Variants in SH3D19 observed in about 807,000 individuals in gnomAD.
SH3D19 encodes the protein SH3 domain containing 19.
Under a neutral mutation model 112.1 loss-of-function variants are expected in SH3D19, and 58 were observed. That is an observed-to-expected ratio of 0.52 (90% CI 0.42 to 0.64). The LOEUF (loss-of-function observed/expected upper bound fraction) is 0.64, where lower values mean the gene tolerates loss of function less well. SH3D19 is among the 30% of genes least tolerant of loss of function. SH3D19 has a pLI of 0.00. For missense variants in SH3D19, 1,090 were observed against 1,263.4 expected, an observed-to-expected ratio of 0.86 and a Z score of 2.08; for synonymous variants, 391 against 448.5, an observed-to-expected ratio of 0.87 and a Z score of 1.62.
intron 15 of SH3D19, among the ~76,000 whole-genome samples, chr4:151,134,094 A>T (rs1314064102): frequency 6.6e-6 from 1 of 152,234 alleles, no homozygotes; most frequent in East Asian, 1.9e-4. Flanking sequence ...CCCACTTCGA[A>T]TTCAACCTGC....
At chr4:151,152,776 C>T (rs1375636041) in intron 9 of SH3D19, among the ~76,000 whole-genome samples, 1 of 151,832 alleles carries the variant, frequency 6.6e-6, no homozygotes, top group Non-Finnish European at 1.5e-5. Context: ...GCCTCGGACT[C>T]CCAAAGTGCT....
intron 18 of SH3D19, 108 bp downstream of exon 18, chr4:151,128,062 A>T: frequency 1.1e-6 from 1 of 886,810 alleles, no homozygotes; most frequent in African/African-American, 1.7e-5. Flanking sequence ...GCTCTTTCAA[A>T]TATAGACAGA....
chr4:151,299,460 A>G (rs1312510668), intron 1 of SH3D19, among the ~76,000 whole-genome samples: 1 of 151,996 alleles, frequency 6.6e-6, no homozygotes, highest in Non-Finnish European at 1.5e-5. Context: ...CATGCCTGTA[A>G]TCCCAGCTAC....
rs535919889 is a variant in SH3D19, at chr4:151,150,292, C to CAT, written c.1756-733_1756-732dup. ...ATATATATACACACACATATATATACATATATATATACACACACATATATA... is the reference window on the plus strand; with the variant it reads ...ATATATATACACACACATATATATACATATATATATATACACACACATATATA... On this transcript the variant is annotated intron_variant, in intron 9 of 19. Coordinates refer to ENST00000604030, the MANE Select transcript of SH3D19 (RefSeq NM_001378122.1). 4.9e-4 allele frequency among the ~76,000 whole-genome samples: 60 copies of CAT among 121,544 alleles called. 1 individual carries two copies. The South Asian group carries it at 0.013, about 27-fold the overall frequency. 79.7% of individuals were successfully genotyped at this position (121,544 alleles called of 152,430 possible). A position where few individuals can be genotyped will look rare whatever the true frequency, so the allele number is the denominator to read the frequency against.
chr4:151,243,710 C>T (rs1455436618), intron 1 of SH3D19, among the ~76,000 whole-genome samples: 1 of 152,180 alleles, frequency 6.6e-6, no homozygotes. Context: ...GTCTCCAGGG[C>T]TATACCGTAA....
chr4:151,294,599 C>A (rs895766224), intron 1 of SH3D19, among the ~76,000 whole-genome samples: 1 of 152,204 alleles, frequency 6.6e-6, no homozygotes, highest in Non-Finnish European at 1.5e-5. Context: ...ACACAACAGA[C>A]CCTCCTCTGG....
intron 7 of SH3D19, among the ~76,000 whole-genome samples, chr4:151,167,840 A>G (rs1284894545): frequency 7.5e-6 from 1 of 134,126 alleles, no homozygotes; most frequent in African/African-American, 2.9e-5. Flanking sequence ...CGCCTCTGCC[A>G]GGCCGCCCCA....
At chr4:151,128,099 G>A (rs1749821725) in intron 18 of SH3D19, 71 bp downstream of exon 18, 1 of 1,288,178 alleles carries the variant, frequency 7.8e-7, no homozygotes, top group East Asian at 2.6e-5. Context: ...AGAGGGGAAA[G>A]GAATGTATAT....
At chr4:151,256,116 A>G (rs1180515564) in intron 1 of SH3D19, among the ~76,000 whole-genome samples, 2 of 151,720 alleles carry the variant, frequency 1.3e-5, no homozygotes, top group Non-Finnish European at 1.5e-5. Context: ...GTCTATATAT[A>G]AATTGTATAC....
At chr4:151,227,855 T>A in intron 1 of SH3D19, 1 of 985,418 alleles carries the variant, frequency 1.0e-6, no homozygotes. Context: ...AATAGCAAAT[T>A]TCCCCACTAA....
At chr4:151,171,030 C>T (rs1467858156) in intron 7 of SH3D19, among the ~76,000 whole-genome samples, 1 of 152,144 alleles carries the variant, frequency 6.6e-6, no homozygotes, top group African/African-American at 2.4e-5. Flanking sequence ...GGTCTCCCTC[C>T]CTTTTAATTA....
chr4:151,230,236 G>A (rs570377954), intron 1 of SH3D19, among the ~76,000 whole-genome samples: 5 of 152,300 alleles, frequency 3.3e-5, no homozygotes, highest in African/African-American at 1.2e-4. Context: ...CAGTTTTTGG[G>A]TACGGCTACG....
intron 1 of SH3D19, among the ~76,000 whole-genome samples, chr4:151,240,118 T>TA (rs1770442077): frequency 6.6e-6 from 1 of 151,752 alleles, no homozygotes; most frequent in Admixed American, 6.6e-5. Context: ...AAATTTTTTT[T>TA]AATTAGCTGG....
intron 18 of SH3D19, 46 bp downstream of exon 18, chr4:151,128,124 C>A: frequency 6.7e-7 from 1 of 1,494,326 alleles, no homozygotes; most frequent in Non-Finnish European, 9.0e-7. Context: ...TTGAAGGTTT[C>A]AGGCTCCCCG....
chr4:151,126,258 C>G (rs1749297000), intron 19 of SH3D19, among the ~76,000 whole-genome samples: 3 of 152,130 alleles, frequency 2.0e-5, no homozygotes, highest in South Asian at 4.1e-4. Flanking sequence ...AAGTGAAAAC[C>G]CTGTTTGGTT....
chr4:151,133,145 A>C lies in SH3D19; in HGVS notation c.2578T>G (p.Tyr860Asp), dbSNP rs746437657. Residue 860 changes from tyrosine (Y) to aspartate (D), a missense_variant, in exon 16 of 20, where the codon TAT becomes GAT. Coordinates refer to ENST00000604030, the MANE Select transcript of SH3D19 (RefSeq NM_001378122.1). Reference sequence around the variant, plus strand: ...CCTCTGGCCCATTCCTCATTCACATACTCTTTAAGAATAATAATTTCTCCC... The same window carrying C: ...CCTCTGGCCCATTCCTCATTCACATCCTCTTTAAGAATAATAATTTCTCCC... ...SEGEIIILKE[Y>D]VNEEWARGEV... The C allele has an allele frequency of 3.1e-6, 5 of 1,613,870 alleles. No homozygotes were observed. The highest frequency in any genetic ancestry group is 1.6e-4 in the Middle Eastern group (1 of 6,084).
intron 8 of SH3D19, 66 bp downstream of exon 8, chr4:151,165,523 A>T: frequency 8.1e-7 from 1 of 1,239,022 alleles, no homozygotes; most frequent in Non-Finnish European, 1.2e-6. Context: ...GCAGACATTG[A>T]TAAATTAGCA....
intron 4 of SH3D19, among the ~76,000 whole-genome samples, chr4:151,179,041 T>C (rs1760404921): frequency 6.6e-6 from 1 of 152,340 alleles, no homozygotes; most frequent in East Asian, 1.9e-4. Flanking sequence ...CAACATGTAC[T>C]AAGTAGCATG....
Position 151,325,390 on chromosome 4 carries a change from A to AGCT in SH3D19, c.-41_-39dup. 1 of 1,091,660 alleles carries AGCT rather than the reference A, an allele frequency of 9.2e-7. No individual in the cohort carries two copies. 67.6% of individuals were successfully genotyped at this position (1,091,660 alleles called of 1,614,324 possible). A position where few individuals can be genotyped will look rare whatever the true frequency, so the allele number is the denominator to read the frequency against. Reference sequence around the variant, plus strand: ...GGGCGCAGCCGCGGGATGGCCAGCGAGCTGCGGCCCCGGCGCCCCAGAACG... The same window carrying AGCT: ...GGGCGCAGCCGCGGGATGGCCAGCGAGCTGCTGCGGCCCCGGCGCCCCAGAACG... On this transcript the variant is annotated 5_prime_UTR_variant, in exon 1 of 20. Coordinates refer to ENST00000604030, the MANE Select transcript of SH3D19 (RefSeq NM_001378122.1).
Sources: allele counts gnomAD v4.1 joint callset (sites outside exome capture counted in the v4.1 genomes callset), GRCh38; gene constraint gnomAD v4.1.1; transcripts MANE v1.5; gene names NCBI Gene and HGNC (gene_info 2026-07-23, HGNC 2026-07-21).